Variants in RAD51B observed in about 807,000 individuals in gnomAD.
RAD51B encodes DNA repair protein RAD51 homolog 2.
Under a neutral mutation model 42.2 loss-of-function variants are expected in RAD51B, and 38 were observed. The ratio of observed to expected loss-of-function variants is 0.90; its 90% CI spans 0.70 to 1.18. The LOEUF is 1.18. RAD51B is among the 50% of genes most tolerant of loss of function. The pLI is 0.00. For missense variants in RAD51B, 373 were observed against 400.7 expected (o/e 0.93, Z 0.59); for synonymous variants, 154 against 145.2 (o/e 1.06, Z -0.43).
chr14:67,886,050 T>G (rs1353759823), intron 6 of RAD51B, 62 bp downstream of exon 6: 8 of 1,326,754 alleles, frequency 6.0e-6, no homozygotes, highest in Admixed American at 2.3e-5. Context: ...TTATCTTTTA[T>G]GTTTCAGCTT....
chr14:68,434,088 C>T (rs549172441), intron 9 of RAD51B, among the ~76,000 whole-genome samples: 1 of 152,316 alleles, frequency 6.6e-6, no homozygotes, highest in South Asian at 2.1e-4. Context: ...GTTGCTGCCT[C>T]ATCGTTCCTC....
At chr14:67,850,630 ATACCATGTACTTCC>A (rs1388094356) in intron 4 of RAD51B, among the ~76,000 whole-genome samples, 4 of 152,202 alleles carry the variant, frequency 2.6e-5, no homozygotes, top group African/African-American at 9.7e-5. Context: ...GGAGGGCTGC[ATACCATGTACTTCC>A]TATTTTACGG....
chr14:68,486,194 T>A (rs1883609523), intron 10 of RAD51B, among the ~76,000 whole-genome samples: 1 of 152,234 alleles, frequency 6.6e-6, no homozygotes, highest in Non-Finnish European at 1.5e-5. Context: ...ATTAAATCAT[T>A]GGTCAAACTT....
At chr14:68,024,527 T>C (rs887397241) in intron 7 of RAD51B, among the ~76,000 whole-genome samples, 2 of 152,164 alleles carry the variant, frequency 1.3e-5, no homozygotes, top group African/African-American at 4.8e-5. Context: ...CAGTGTTTTG[T>C]AGTTGTCCTT....
At chr14:68,400,250 TGGA>T (rs2084060807) in intron 8 of RAD51B, among the ~76,000 whole-genome samples, 1 of 152,230 alleles carries the variant, frequency 6.6e-6, no homozygotes, top group South Asian at 2.1e-4. Context: ...AGTACTTCGT[TGGA>T]TATGTAAAGC....
intron 7 of RAD51B, among the ~76,000 whole-genome samples, chr14:67,888,609 T>C (rs2043130804): frequency 6.6e-6 from 1 of 152,026 alleles, no homozygotes; most frequent in Non-Finnish European, 1.5e-5. Flanking sequence ...TATATATATA[T>C]ATTTGAAAGA....
At chr14:68,105,258 A>G (rs1207547180) in intron 7 of RAD51B, among the ~76,000 whole-genome samples, 10 of 152,038 alleles carry the variant, frequency 6.6e-5, no homozygotes. Context: ...ATTGGGCTTC[A>G]GTTTCCTGAC....
At chr14:68,021,693 A>T (rs561866742) in intron 7 of RAD51B, among the ~76,000 whole-genome samples, 1 of 152,360 alleles carries the variant, frequency 6.6e-6, no homozygotes, top group East Asian at 1.9e-4. Context: ...CTGCTGCAAT[A>T]AAGCAGTTAT....
At chr14:68,262,668 A>G (rs952718580) in intron 7 of RAD51B, among the ~76,000 whole-genome samples, 3 of 152,146 alleles carry the variant, frequency 2.0e-5, no homozygotes, top group Non-Finnish European at 4.4e-5. Flanking sequence ...CTACCCCACA[A>G]TATGAAGCCT....
chr14:68,502,757 C>T (rs1041808273), intron 10 of RAD51B, among the ~76,000 whole-genome samples: 2 of 152,166 alleles, frequency 1.3e-5, no homozygotes, highest in Admixed American at 6.5e-5. Context: ...TTGGCCTCTG[C>T]GGTGCCTATT....
At chr14:68,491,227 C>T (rs550750541) in intron 10 of RAD51B, among the ~76,000 whole-genome samples, 3 of 152,232 alleles carry the variant, frequency 2.0e-5, no homozygotes, top group Admixed American at 2.0e-4. Context: ...ACCCCAGGCC[C>T]GCAGCCGCCC....
At chr14:68,246,225 T>C (rs2080496018) in intron 7 of RAD51B, among the ~76,000 whole-genome samples, 1 of 151,924 alleles carries the variant, frequency 6.6e-6, no homozygotes, top group African/African-American at 2.4e-5. Flanking sequence ...CTGGCTCTGT[T>C]TGGCCATGGG....
intron 8 of RAD51B, among the ~76,000 whole-genome samples, chr14:68,357,360 G>A (rs1337366042): frequency 2.8e-4 from 42 of 152,124 alleles, no homozygotes; most frequent in Admixed American, 2.7e-3. Context: ...CGCCACATCT[G>A]CAGTAACTTC....
At chr14:67,842,256 C>G (rs551774136) in intron 4 of RAD51B, among the ~76,000 whole-genome samples, 1 of 152,298 alleles carries the variant, frequency 6.6e-6, no homozygotes, top group South Asian at 2.1e-4. Flanking sequence ...TTCAACTTTA[C>G]TAAAGTCATT....
intron 7 of RAD51B, among the ~76,000 whole-genome samples, chr14:67,928,311 A>G (rs1467214594): frequency 6.6e-6 from 1 of 152,126 alleles, no homozygotes; most frequent in Non-Finnish European, 1.5e-5. Context: ...ACACATGTGG[A>G]GTGATTTTAA....
intron 7 of RAD51B, among the ~76,000 whole-genome samples, chr14:67,980,181 A>G (rs1193906425): frequency 6.6e-6 from 1 of 152,142 alleles, no homozygotes; most frequent in Non-Finnish European, 1.5e-5. Context: ...ATGGTGGCTC[A>G]TGCCTGTGAT....
chr14:68,161,399 A>C (rs2078636429), intron 7 of RAD51B, among the ~76,000 whole-genome samples: 1 of 152,192 alleles, frequency 6.6e-6, no homozygotes, highest in South Asian at 2.1e-4. Flanking sequence ...CTTGAGCCAG[A>C]GTCTCAGAAT....
intron 7 of RAD51B, among the ~76,000 whole-genome samples, chr14:68,175,809 C>A (rs2078952542): frequency 6.6e-6 from 1 of 152,204 alleles, no homozygotes; most frequent in South Asian, 2.1e-4. Context: ...CCTTTTATTA[C>A]ATGAATTCCA....
At chr14:68,637,637 T>G (rs1024039706) in intron 10 of RAD51B, among the ~76,000 whole-genome samples, 6 of 152,110 alleles carry the variant, frequency 3.9e-5, no homozygotes, top group African/African-American at 1.2e-4. Flanking sequence ...ATCCCATTGG[T>G]GATGAGAGAC....
Sources: allele counts gnomAD v4.1 joint callset (sites outside exome capture counted in the v4.1 genomes callset), GRCh38; gene constraint gnomAD v4.1.1; transcripts MANE v1.5; gene names NCBI Gene and HGNC (gene_info 2026-07-23, HGNC 2026-07-21).